The following KCNJ15 variants were observed in gnomAD, a reference collection of about 807,000 sequenced individuals.
KCNJ15 encodes the protein ATP-sensitive inward rectifier potassium channel 15.
In KCNJ15, 14 loss-of-function variants were observed where a neutral mutation model predicts 23.0. That is an observed-to-expected ratio of 0.61 (90% CI 0.40 to 0.95). The LOEUF (loss-of-function observed/expected upper bound fraction) is 0.95, where lower values mean the gene tolerates loss of function less well. Among genes scored for constraint, KCNJ15 ranks in the 40% least tolerant of loss-of-function variants. KCNJ15 has a pLI of 0.00. For missense variants in KCNJ15, 388 were observed against 461.8 expected, an observed-to-expected ratio of 0.84 and a Z score of 1.46; for synonymous variants, 185 against 183.2, an observed-to-expected ratio of 1.01 and a Z score of -0.08.
At chr21:38,274,235 C>G (rs2123656651) in intron 1 of KCNJ15, among the ~76,000 whole-genome samples, 1 of 152,344 alleles carries the variant, frequency 6.6e-6, no homozygotes, top group South Asian at 2.1e-4. Flanking sequence ...TGCCTGCTGG[C>G]TGAATCCTTT....
chr21:38,248,804 C>T (rs1979629032), intron 1 of KCNJ15, among the ~76,000 whole-genome samples: 1 of 152,188 alleles, frequency 6.6e-6, no homozygotes, highest in African/African-American at 2.4e-5. Context: ...GGAAGAGGAC[C>T]TTGATGCTGG....
In KCNJ15 at chr21:38,299,146, C is replaced by A; in HGVS notation, c.-18-98C>A. On this transcript the variant is annotated intron_variant, in intron 2 of 2. Coordinates refer to ENST00000398938, the MANE Select transcript of KCNJ15 (RefSeq NM_170736.3). This position sits in a 1 kb window ranked among gnomAD's most constrained non-coding sequence, Gnocchi z 4.5. ...CTTCAGAATTCTCCTTTCTTGTGTA[C>A]TTCCATGTACATTCATACTTACTTC... 1.1e-6 allele frequency: 1 copy of A among 941,756 alleles called. No homozygotes were observed. Among genetic ancestry groups the A allele is most frequent in the Non-Finnish European group, 1.6e-6 (1 of 617,536 alleles). The allele number at this position is 941,756 out of a possible 1,614,324, so 58.3% of individuals were successfully genotyped here. A position where few individuals can be genotyped will look rare whatever the true frequency, so the allele number is the denominator to read the frequency against.
chr21:38,282,556 G>A (rs1018144106), intron 1 of KCNJ15, among the ~76,000 whole-genome samples: 5 of 152,152 alleles, frequency 3.3e-5, no homozygotes, highest in African/African-American at 1.2e-4. Context: ...TCAAATCAGT[G>A]AAATATTCTT....
chr21:38,269,838 C>T (rs1255895304), intron 1 of KCNJ15, among the ~76,000 whole-genome samples: 1 of 152,058 alleles, frequency 6.6e-6, no homozygotes, highest in Non-Finnish European at 1.5e-5. Context: ...GCAGGCTTAA[C>T]TGGATCTATT....
At chr21:38,298,514 G>T (rs1441192439) in intron 2 of KCNJ15, among the ~76,000 whole-genome samples, 1 of 152,126 alleles carries the variant, frequency 6.6e-6, no homozygotes, top group African/African-American at 2.4e-5. Context: ...GAATGTTTTT[G>T]GTTGTTTCAA....
At chr21:38,253,078 T>C (rs1365129881), upstream of KCNJ15, among the ~76,000 whole-genome samples, 2 of 152,132 alleles carry the variant, frequency 1.3e-5, no homozygotes, top group African/African-American at 4.8e-5. Flanking sequence ...TTACCTAGGA[T>C]GCTATTTTCA....
At chr21:38,248,087 C>T (rs1372057758) in intron 1 of KCNJ15, among the ~76,000 whole-genome samples, 2 of 152,206 alleles carry the variant, frequency 1.3e-5, no homozygotes, top group South Asian at 2.1e-4. Flanking sequence ...AGTAAGAGCA[C>T]ACCACATCAC....
At position 38,299,043 on chromosome 21, in the gene KCNJ15, C is replaced by A. The variant is rs1236669498; in HGVS notation, c.-18-201C>A. Among the ~76,000 whole-genome samples, 1 of 152,068 alleles carries A rather than the reference C, an allele frequency of 6.6e-6. No homozygotes were observed. The highest frequency in any genetic ancestry group is 1.5e-5 in the Non-Finnish European group (1 of 68,002). On this transcript the variant is annotated intron_variant, in intron 2 of 2. Coordinates refer to ENST00000398938, the MANE Select transcript of KCNJ15 (RefSeq NM_170736.3). This position sits in a 1 kb window ranked among gnomAD's most constrained non-coding sequence, Gnocchi z 4.5. Reference sequence around the variant, plus strand: ...ATGAATTGCAGAGTCAGCATTTAACCCCGGTCTGCTTTTCTGCAAAGCCTC... The same window carrying A: ...ATGAATTGCAGAGTCAGCATTTAACACCGGTCTGCTTTTCTGCAAAGCCTC...
chr21:38,295,675 T>A (rs963243963), intron 1 of KCNJ15, among the ~76,000 whole-genome samples: 2 of 152,160 alleles, frequency 1.3e-5, no homozygotes, highest in African/African-American at 4.8e-5. Context: ...TTAAGCCAGG[T>A]CTATTGAAGA....
At chr21:38,291,639 G>A (rs1305205107) in intron 1 of KCNJ15, 1 of 152,146 alleles carries the variant, frequency 6.6e-6, no homozygotes, top group East Asian at 1.9e-4. Flanking sequence ...ATAAATCGTG[G>A]TTTTCCAAGT....
intron 1 of KCNJ15, among the ~76,000 whole-genome samples, chr21:38,235,371 T>C (rs1348096113): frequency 6.6e-6 from 1 of 152,184 alleles, no homozygotes; most frequent in Admixed American, 6.5e-5. Context: ...CTGGCCAACA[T>C]GGTGAATCCT....
At chr21:38,258,250 A>T (rs1335679068) in intron 1 of KCNJ15, among the ~76,000 whole-genome samples, 1 of 152,234 alleles carries the variant, frequency 6.6e-6, no homozygotes, top group East Asian at 1.9e-4. Flanking sequence ...CTTAGGTGAC[A>T]AATTCTCTCC....
rs1014669169 is a variant in KCNJ15 at position 38,302,701 on chromosome 21, T to A, written c.*2312T>A. ...TTAAATTCTTTTCACAGTATTCATA[T>A]CAATGCTAATTTGAATGTGATGCCA... On this transcript the variant is annotated 3_prime_UTR_variant, in exon 3 of 3. Coordinates refer to ENST00000398938, the MANE Select transcript of KCNJ15 (RefSeq NM_170736.3). The A allele has an allele frequency of 5.9e-5, 9 of 152,326 alleles. No individual in the cohort carries two copies. Among genetic ancestry groups the A allele is most frequent in the African/African-American group, 2.2e-4 (9 of 41,576 alleles). The allele number at this position is 152,326 out of a possible 1,614,324, so 9.4% of individuals were successfully genotyped here.
intron 1 of KCNJ15, among the ~76,000 whole-genome samples, chr21:38,248,616 A>G (rs1024309500): frequency 1.3e-5 from 2 of 152,188 alleles, no homozygotes; most frequent in Admixed American, 6.5e-5. Flanking sequence ...CTCTGCATAC[A>G]TTCTAGTGAA....
chr21:38,258,001 TA>T lies in KCNJ15; in HGVS notation c.-117+819del, dbSNP rs111524334. On this transcript the variant is annotated intron_variant, in intron 1 of 2. Coordinates refer to ENST00000398938, the MANE Select transcript of KCNJ15 (RefSeq NM_170736.3). Reference sequence around the variant, plus strand: ...AATGTAGTATTTGACTGTGGAAAACTAAAGACCAAAAATGTGTACCATTAAT... The same window carrying T: ...AATGTAGTATTTGACTGTGGAAAACTAAGACCAAAAATGTGTACCATTAAT... Among the ~76,000 whole-genome samples the T allele has an allele frequency of 3.9e-3, 589 of 152,176 alleles. 5 individuals are homozygous for T. Among genetic ancestry groups the T allele is most frequent in the African/African-American group, 0.013 (554 of 41,524 alleles).
At chr21:38,245,998 T>G (rs1180326840) in intron 1 of KCNJ15, among the ~76,000 whole-genome samples, 1 of 152,232 alleles carries the variant, frequency 6.6e-6, no homozygotes, top group Non-Finnish European at 1.5e-5. Flanking sequence ...GCAAGTGACT[T>G]AATTCAAGAC....
intron 1 of KCNJ15, among the ~76,000 whole-genome samples, chr21:38,284,452 CAG>C (rs1245208110): frequency 2.6e-5 from 4 of 152,148 alleles, no homozygotes; most frequent in Non-Finnish European, 2.9e-5. Flanking sequence ...ACCTGTCACT[CAG>C]AGCTCCTGGC....
intron 1 of KCNJ15, among the ~76,000 whole-genome samples, chr21:38,291,403 C>T (rs1443375630): frequency 1.3e-5 from 2 of 152,118 alleles, no homozygotes; most frequent in South Asian, 2.1e-4. Context: ...TGCTTTTTTC[C>T]AGCAATTCTC....
chr21:38,300,367 T>C lies in KCNJ15; in HGVS notation c.1106T>C (p.Leu369Ser), dbSNP rs1339212286. ...DQRERELRTL[L>S]LQQSNV ...AGGGAAAGAGAACTGAGGACACTTT[T>C]ATTACAACAGAGCAATGTCTGATCA... Residue 369 changes from leucine (L) to serine (S), a missense_variant, in exon 3 of 3, where the codon TTA becomes TCA. By Grantham distance (145) the Leu-to-Ser change is moderately radical. Coordinates refer to ENST00000398938, the MANE Select transcript of KCNJ15 (RefSeq NM_170736.3). 7.0e-5 allele frequency: 113 copies of C among 1,612,160 alleles called. No homozygotes were observed. The highest frequency in any genetic ancestry group is 9.2e-5 in the Non-Finnish European group (108 of 1,178,834).
Sources: allele counts gnomAD v4.1 joint callset (sites outside exome capture counted in the v4.1 genomes callset), GRCh38; gene constraint gnomAD v4.1.1; non-coding constraint Gnocchi (gnomAD v3.1); transcripts MANE v1.5; gene names NCBI Gene and HGNC (gene_info 2026-07-23, HGNC 2026-07-21).